The following C19orf38 variants were observed in gnomAD, a reference collection of about 807,000 sequenced individuals.
C19orf38 encodes chromosome 19 open reading frame 38.
C19orf38 carries 14 observed loss-of-function variants against 26.6 expected under a neutral mutation model. The observed-to-expected ratio is 0.53, with a 90% CI of 0.35 to 0.82. The LOEUF (loss-of-function observed/expected upper bound fraction) is 0.82. Ranked by LOEUF, C19orf38 falls within the 40% of genes least tolerant of loss-of-function variation. The pLI, the probability that C19orf38 is intolerant of heterozygous loss-of-function variation, is 0.01. For synonymous variants in C19orf38, 132 were observed against 128.5 expected (o/e 1.03, Z -0.18); for missense variants, 261 against 299.5 (o/e 0.87, Z 0.95).
At chr19:10,868,736 C>A (rs1043306195) in intron 6 of C19orf38, among the ~76,000 whole-genome samples, 2 of 152,078 alleles carry the variant, frequency 1.3e-5, no homozygotes, top group Non-Finnish European at 1.5e-5. Context: ...GAACTCCTGA[C>A]CTGAGGTGAT....
intron 6 of C19orf38, among the ~76,000 whole-genome samples, chr19:10,864,857 A>T (rs1451351275): frequency 1.3e-5 from 2 of 152,184 alleles, no homozygotes; most frequent in African/African-American, 4.8e-5. Context: ...GTGTGGAGTC[A>T]GCCACCTCAA....
At chr19:10,845,291 G>A (rs183564226), upstream of C19orf38, among the ~76,000 whole-genome samples, 47 of 152,064 alleles carry the variant, frequency 3.1e-4, no homozygotes, top group Middle Eastern at 3.4e-3. Flanking sequence ...AATTTCTAGC[G>A]TACGTACAAT....
At chr19:10,852,665 T>G (rs1463951799) in intron 2 of C19orf38, among the ~76,000 whole-genome samples, 1 of 152,154 alleles carries the variant, frequency 6.6e-6, no homozygotes, top group Non-Finnish European at 1.5e-5. Context: ...CCCTGGTGTG[T>G]CTGAGGAGCC....
At chr19:10,859,815 AC>A in intron 4 of C19orf38, 99 bp from the exon 5 acceptor site, 1 of 1,075,790 alleles carries the variant, frequency 9.3e-7, no homozygotes, top group Non-Finnish European at 1.4e-6. Flanking sequence ...AGCAAAGGCT[AC>A]ATTTTGGGTG....
chr19:10,860,064 C>T, intron 5 of C19orf38, 106 bp downstream of exon 5: 2 of 1,204,862 alleles, frequency 1.7e-6, no homozygotes, highest in Non-Finnish European at 1.2e-6. Flanking sequence ...CTGCTTGTTC[C>T]CTTTAGGGTC....
intron 2 of C19orf38, among the ~76,000 whole-genome samples, chr19:10,851,480 A>G (rs2073572249): frequency 6.6e-6 from 1 of 151,944 alleles, no homozygotes; most frequent in Admixed American, 6.6e-5. Flanking sequence ...AGCTGAGACT[A>G]CAGGTGTGCA....
chr19:10,855,820 G>A (rs1402723096), intron 2 of C19orf38, among the ~76,000 whole-genome samples: 2 of 151,946 alleles, frequency 1.3e-5, no homozygotes, highest in African/African-American at 2.4e-5. Context: ...GAGCCACTGC[G>A]CCTGGCCAAT....
rs1228516482 is a variant in C19orf38, at chr19:10,850,349, CT to C, written c.123del (p.Asn43ThrfsTer28). 1.9e-6 allele frequency: 3 copies of C among 1,551,154 alleles called. No homozygotes were observed. The East Asian group carries it at 7.3e-5, about 38-fold the overall frequency. On this transcript the variant is annotated frameshift_variant, in exon 2 of 7. Coordinates refer to ENST00000397820, the MANE Select transcript of C19orf38 (RefSeq NM_001136482.3). LOFTEE classifies it high-confidence loss of function. ...CCCATCCACATCGCATGCATGGCCC[CT>C]GGGAACTTCCCGGGGGCGAATTTCA... ...EDPIHIACMA[P>X]GNFPGANFTL... is the part of the protein sequence containing the mutation.
chr19:10,843,026 G>T (rs2073490706), intron 1 of C19orf38, among the ~76,000 whole-genome samples: 1 of 152,210 alleles, frequency 6.6e-6, no homozygotes, highest in African/African-American at 2.4e-5. Flanking sequence ...ACAGCTCTCA[G>T]CAAAGAGGAG....
upstream of C19orf38, among the ~76,000 whole-genome samples, chr19:10,848,239 CA>C (rs2146248328): frequency 6.6e-6 from 1 of 152,042 alleles, no homozygotes; most frequent in Admixed American, 6.6e-5. Flanking sequence ...ACCACCTAAA[CA>C]TCTCATCCAT....
intron 4 of C19orf38, 65 bp downstream of exon 4, chr19:10,858,408 G>A: frequency 6.9e-7 from 1 of 1,454,924 alleles, no homozygotes; most frequent in Admixed American, 2.1e-5. Flanking sequence ...CCCTGGCAGG[G>A]TGGGCACTCC....
chr19:10,848,591 T>G, intron 1 of C19orf38, 52 bp downstream of exon 1: 2 of 1,272,446 alleles, frequency 1.6e-6, no homozygotes, highest in Non-Finnish European at 2.1e-6. Flanking sequence ...CCCCATCCTC[T>G]GTCCACCTTG....
rs916943702 is a variant in C19orf38, at chr19:10,842,248, T to C, written c.-69+5478T>C. 5.1e-6 allele frequency: 6 copies of C among 1,176,234 alleles called. No individual in the cohort carries two copies. The Admixed American group carries it at 1.1e-4, about 21-fold the overall frequency. 72.9% of individuals were successfully genotyped at this position (1,176,234 alleles called of 1,614,324 possible). On this transcript the variant is annotated intron_variant, in intron 1 of 7. Transcript: ENST00000592854. ...CCACAGAACCATCTCTTGGAAAACA[T>C]AATTTGAATAAAATACTTTTTTTTT...
chr19:10,865,093 C>T (rs965340018), intron 6 of C19orf38, among the ~76,000 whole-genome samples: 2 of 152,154 alleles, frequency 1.3e-5, no homozygotes, highest in Admixed American at 6.6e-5. Flanking sequence ...GAATCCACAC[C>T]GCACAGAACA....
intron 2 of C19orf38, among the ~76,000 whole-genome samples, chr19:10,854,638 G>A (rs190283475): frequency 1.9e-3 from 289 of 152,186 alleles, no homozygotes; most frequent in Non-Finnish European, 2.9e-3. Flanking sequence ...CACCTCCCTT[G>A]GGGTCAGGGC....
At chr19:10,851,974 C>CAA (rs903489432) in intron 2 of C19orf38, among the ~76,000 whole-genome samples, 22 of 48,488 alleles carry the variant, frequency 4.5e-4, no homozygotes, top group African/African-American at 1.0e-3. Context: ...GACTCCGTCT[C>CAA]AAAAAAAAAA....
intron 3 of C19orf38, among the ~76,000 whole-genome samples, chr19:10,857,894 AAAAGAAAG>A (rs111685154): frequency 0.3 from 42,079 of 142,204 alleles, 6,479 homozygotes; most frequent in East Asian, 0.61. Context: ...AAACAACAAA[AAAAGAAAG>A]AAAGAAAGAA....
intron 6 of C19orf38, among the ~76,000 whole-genome samples, chr19:10,867,033 G>T (rs146493305): frequency 6.6e-6 from 1 of 151,192 alleles, no homozygotes; most frequent in East Asian, 2.0e-4. Flanking sequence ...CAAGTGATCT[G>T]CCCGCCTCGG....
chr19:10,864,032 G>A (rs2073728525), intron 6 of C19orf38, among the ~76,000 whole-genome samples: 1 of 152,132 alleles, frequency 6.6e-6, no homozygotes, highest in Non-Finnish European at 1.5e-5. Context: ...GTGTGACAAT[G>A]GGGAACAATA....
Sources: gnomAD v4.1 joint callset for allele counts (sites outside exome capture counted in the v4.1 genomes callset) on GRCh38, gnomAD v4.1.1 for gene constraint, MANE v1.5 for transcripts, NCBI Gene and HGNC (gene_info 2026-07-23, HGNC 2026-07-21) for gene names.